CDHR3: variants seen among roughly 807,000 people sequenced by gnomAD.
CDHR3 encodes the protein cadherin related family member 3, also known as cadherin-related family member 3.
In CDHR3, 79 loss-of-function variants were observed where a neutral mutation model predicts 86.6. The ratio of observed to expected loss-of-function variants is 0.91; its 90% CI spans 0.76 to 1.10. The LOEUF (loss-of-function observed/expected upper bound fraction) is 1.10, where lower values mean the gene tolerates loss of function less well. Among genes scored for constraint, CDHR3 ranks in the 50% least tolerant of loss-of-function variants. The pLI is 0.00. For missense variants in CDHR3, 1,081 were observed against 1,077.6 expected, an observed-to-expected ratio of 1.00 and a Z score of -0.04; for synonymous variants, 421 against 402.4, an observed-to-expected ratio of 1.05 and a Z score of -0.55.
intron 15 of CDHR3, among the ~76,000 whole-genome samples, chr7:106,026,340 G>A (rs893520864): frequency 2.6e-5 from 4 of 152,198 alleles, no homozygotes; most frequent in Non-Finnish European, 5.9e-5. Context: ...GGGAGAAAGG[G>A]ATAGGGCAAG....
intron 1 of CDHR3, among the ~76,000 whole-genome samples, chr7:105,970,288 T>C (rs552476493): frequency 5.3e-5 from 8 of 152,268 alleles, no homozygotes; most frequent in Non-Finnish European, 7.4e-5. Context: ...TATCCCAACA[T>C]AGGCTCCCAG....
Position 106,033,817 on chromosome 7 carries a change from T to G in CDHR3, c.*1120T>G, listed in dbSNP as rs1317103374. 1 of 152,206 alleles carries G rather than the reference T, an allele frequency of 6.6e-6. No individual in the cohort carries two copies. Among genetic ancestry groups the G allele is most frequent in the Non-Finnish European group, 1.5e-5 (1 of 68,048 alleles). 9.4% of individuals were successfully genotyped at this position (152,206 alleles called of 1,614,324 possible). A position where few individuals can be genotyped will look rare whatever the true frequency, so the allele number is the denominator to read the frequency against. On this transcript the variant is annotated 3_prime_UTR_variant, in exon 19 of 19. Transcript: ENST00000317716. ...TCTTTTGGTGAACATAAACACTCAC[T>G]TTTTTGCTCATATATCTAAGAGTGG...
intron 6 of CDHR3, 74 bp downstream of exon 6, chr7:105,996,428 C>A: frequency 1.3e-6 from 1 of 765,830 alleles, no homozygotes; most frequent in Non-Finnish European, 2.2e-6. Context: ...TCCTCCGGCA[C>A]ATTTAATACA....
At chr7:105,977,149 C>G (rs745645148) in intron 2 of CDHR3, among the ~76,000 whole-genome samples, 40 of 152,284 alleles carry the variant, frequency 2.6e-4, no homozygotes, top group Middle Eastern at 3.4e-3. Flanking sequence ...ATTAATATCA[C>G]TATTTAGAAA....
At chr7:105,980,437 T>A (rs1012384593) in intron 2 of CDHR3, among the ~76,000 whole-genome samples, 1 of 151,970 alleles carries the variant, frequency 6.6e-6, no homozygotes, top group Non-Finnish European at 1.5e-5. Flanking sequence ...ATTTTTGTAA[T>A]TATACTTTAA....
At position 106,029,548 on chromosome 7, in the gene CDHR3, G is replaced by GTCTCTCTCTCTCTCTCTC. The variant is rs59823993; in HGVS notation, c.2304+980_2304+997dup. On this transcript the variant is annotated intron_variant, in intron 17 of 18. Coordinates refer to ENST00000317716, the MANE Select transcript of CDHR3 (RefSeq NM_152750.5). Reference sequence around the variant, plus strand: ...GGAAAGTTCCCTCTCCTCCACCTCTGTCTCTCTCTCTCTCTCTCTCTCTCT... The same window carrying GTCTCTCTCTCTCTCTCTC: ...GGAAAGTTCCCTCTCCTCCACCTCTGTCTCTCTCTCTCTCTCTCTCTCTCTCTCTCTCTCTCTCTCTCT... Among the ~76,000 whole-genome samples, 186 of 147,152 alleles carry GTCTCTCTCTCTCTCTCTC rather than the reference G, an allele frequency of 1.3e-3. 1 individual carries two copies. Among genetic ancestry groups the GTCTCTCTCTCTCTCTCTC allele is most frequent in the African/African-American group, 4.6e-3 (182 of 39,974 alleles).
intron 4 of CDHR3, among the ~76,000 whole-genome samples, chr7:105,990,371 G>A (rs1490730645): frequency 6.6e-6 from 1 of 152,072 alleles, no homozygotes; most frequent in African/African-American, 2.4e-5. Flanking sequence ...TTTAACGATA[G>A]TTTTTTTTCT....
In CDHR3 at chr7:106,015,965, G is replaced by T; in HGVS notation, c.1366G>T (p.Glu456Ter). ...YVYILTSPENEFPLIFDRPSY... is the reference protein window; with the variant it reads ...YVYILTSPEN Reference sequence around the variant, plus strand: ...TTATATCCTAACAAGCCCAGAAAATGAGTTTCCTCTCATTTTTGATAGGCC... The same window carrying T: ...TTATATCCTAACAAGCCCAGAAAATTAGTTTCCTCTCATTTTTGATAGGCC... The change falls in exon 11 of 19, where the codon GAG (glutamate) becomes TAG (stop). Residue 456 changes from glutamate to a stop codon, truncating the protein, a stop_gained. Coordinates refer to ENST00000317716, the MANE Select transcript of CDHR3 (RefSeq NM_152750.5). LOFTEE classifies it high-confidence loss of function. The T allele has an allele frequency of 6.2e-7, 1 of 1,613,230 alleles. No homozygotes were observed. The highest frequency in any genetic ancestry group is 1.1e-5 in the South Asian group (1 of 90,924).
chr7:105,989,177 G>A (rs1339036069), intron 4 of CDHR3, among the ~76,000 whole-genome samples: 2 of 151,360 alleles, frequency 1.3e-5, no homozygotes, highest in Admixed American at 6.6e-5. Flanking sequence ...ATCTGCATGT[G>A]AATAATTATT....
intron 1 of CDHR3, among the ~76,000 whole-genome samples, chr7:105,965,334 C>T (rs955614720): frequency 9.2e-5 from 14 of 152,096 alleles, no homozygotes; most frequent in African/African-American, 3.1e-4. Flanking sequence ...ATTAGCAGAG[C>T]ATGAAGACGG....
intron 18 of CDHR3, among the ~76,000 whole-genome samples, chr7:106,031,817 G>A (rs1243106554): frequency 1.3e-5 from 2 of 151,796 alleles, no homozygotes; most frequent in African/African-American, 2.4e-5. Flanking sequence ...AGAAAGACAT[G>A]AGCCAACTGG....
intron 6 of CDHR3, among the ~76,000 whole-genome samples, chr7:105,999,949 TGACCA>T (rs1221827286): frequency 4.6e-5 from 7 of 152,192 alleles, no homozygotes; most frequent in Non-Finnish European, 7.3e-5. Context: ...CCGCTCATGA[TGACCA>T]AAGCAAAAAC....
At chr7:106,028,530 T>C in intron 16 of CDHR3, 21 bp from the exon 17 acceptor site, 1 of 1,613,942 alleles carries the variant, frequency 6.2e-7, no homozygotes, top group Non-Finnish European at 8.5e-7. Context: ...GCTTAACTTC[T>C]GCCTGTTCTG....
rs750796354 is a variant in CDHR3 at position 106,024,428 on chromosome 7, T to C, written c.2124T>C (p.Ser708=). The part of the protein sequence containing the change: ...QVLRKNVYSP[S]AWYVPFVITL... ...TGAGGAAAAACGTTTACTCTCCATCTGCATGGTACGTGCCGTTTGTCATCA... is the reference window on the plus strand; with the variant it reads ...TGAGGAAAAACGTTTACTCTCCATCCGCATGGTACGTGCCGTTTGTCATCA... Residue 708 remains serine, a synonymous_variant, in exon 15 of 19, where the codon TCT becomes TCC. Coordinates refer to ENST00000317716, the MANE Select transcript of CDHR3 (RefSeq NM_152750.5). 3 of 1,614,062 alleles carry C rather than the reference T, an allele frequency of 1.9e-6. No homozygotes were observed. The Admixed American group carries it at 5.0e-5, about 27-fold the overall frequency.
intron 1 of CDHR3, among the ~76,000 whole-genome samples, chr7:105,973,119 T>C (rs944309486): frequency 8.5e-5 from 13 of 152,174 alleles, no homozygotes; most frequent in African/African-American, 2.9e-4. Context: ...CAGGGTCTGA[T>C]GGTGGCTGAG....
rs535349820 is a variant in CDHR3 at position 106,029,869 on chromosome 7, A to T, written c.2305-923A>T. 6.6e-5 allele frequency among the ~76,000 whole-genome samples: 10 copies of T among 152,316 alleles called. No homozygotes were observed. In the South Asian group the frequency reaches 1.7e-3, roughly 25 times the overall value. On this transcript the variant is annotated intron_variant, in intron 17 of 18. Transcript: ENST00000317716. ...TTGTCTAAGGCGAGTACCCTTGGGG[A>T]TGCCACTTAGCGATTGCTCTAGAAC...
intron 4 of CDHR3, among the ~76,000 whole-genome samples, chr7:105,985,795 T>C (rs1401596727): frequency 6.6e-6 from 1 of 152,254 alleles, no homozygotes; most frequent in Admixed American, 6.5e-5. Context: ...TGCATACTTC[T>C]TAATAACATA....
chr7:106,028,938 T>TTC (rs1491292043), intron 17 of CDHR3, among the ~76,000 whole-genome samples: 1 of 126,092 alleles, frequency 7.9e-6, no homozygotes, highest in African/African-American at 3.4e-5. Flanking sequence ...CTTTCTTTCT[T>TTC]TCTTTCTTTC....
chr7:105,978,541 C>T (rs2115661693), intron 2 of CDHR3, among the ~76,000 whole-genome samples: 1 of 152,294 alleles, frequency 6.6e-6, no homozygotes, highest in African/African-American at 2.4e-5. Context: ...CGAGGGTCCA[C>T]CACTCCCAGC....
Sources: allele counts gnomAD v4.1 joint callset (sites outside exome capture counted in the v4.1 genomes callset), GRCh38; gene constraint gnomAD v4.1.1; transcripts MANE v1.5; gene names NCBI Gene and HGNC (gene_info 2026-07-23, HGNC 2026-07-21).